The following SMOC2 variants were observed in gnomAD, a reference collection of about 807,000 sequenced individuals.
SMOC2 encodes SPARC-related modular calcium-binding protein 2.
A neutral mutation model predicts 61.4 loss-of-function variants in SMOC2; 39 were observed. The ratio of observed to expected loss-of-function variants is 0.64; its 90% CI spans 0.49 to 0.83. The LOEUF (loss-of-function observed/expected upper bound fraction) is 0.83, where lower values mean the gene tolerates loss of function less well. Among genes scored for constraint, SMOC2 ranks in the 40% least tolerant of loss-of-function variants. The pLI, the probability that SMOC2 is intolerant of heterozygous loss-of-function variation, is 0.00. For synonymous variants in SMOC2, 247 were observed against 239.9 expected (o/e 1.03, Z -0.27); for missense variants, 556 against 592.9 (o/e 0.94, Z 0.65).
chr6:168,480,649 T>C (rs1239763623), intron 1 of SMOC2, among the ~76,000 whole-genome samples: 1 of 152,010 alleles, frequency 6.6e-6, no homozygotes, highest in African/African-American at 2.4e-5. Flanking sequence ...TGGACCAACA[T>C]ACATGTTATG....
At chr6:168,478,453 A>G (rs2115020715) in intron 1 of SMOC2, among the ~76,000 whole-genome samples, 1 of 152,362 alleles carries the variant, frequency 6.6e-6, no homozygotes, top group African/African-American at 2.4e-5. Context: ...GCACAGCATT[A>G]GGAAATAAGG....
chr6:168,511,584 A>C (rs1316697822), intron 2 of SMOC2, among the ~76,000 whole-genome samples: 1 of 152,190 alleles, frequency 6.6e-6, no homozygotes, highest in Non-Finnish European at 1.5e-5. Context: ...GATTTCTCAG[A>C]GTGCATCCCT....
In SMOC2 at chr6:168,559,192, G is replaced by T. The variant is rs537168357; in HGVS notation, c.637+9989G>T. ...AATTTAGGGCCAGGTGTGGTGTCTC[G>T]TGCCTGTAATCCCAGCACTTTGGGA... On this transcript the variant is annotated intron_variant, in intron 7 of 12. Coordinates refer to ENST00000356284, the MANE Select transcript of SMOC2 (RefSeq NM_001166412.2). 1.2e-4 allele frequency among the ~76,000 whole-genome samples: 18 copies of T among 152,158 alleles called. No homozygotes were observed. The South Asian group carries it at 3.5e-3, about 30-fold the overall frequency.
chr6:168,610,578 G>A (rs557289758), intron 9 of SMOC2, among the ~76,000 whole-genome samples: 1 of 152,310 alleles, frequency 6.6e-6, no homozygotes, highest in East Asian at 1.9e-4. Context: ...TTTTGAAGTT[G>A]CTTTTCTAAG....
intron 8 of SMOC2, among the ~76,000 whole-genome samples, chr6:168,604,042 A>G (rs149843570): frequency 0.011 from 1,639 of 152,368 alleles, 32 homozygotes; most frequent in African/African-American, 0.035. Context: ...CTCAGCCTCC[A>G]TTGAGGCTGT....
chr6:168,651,056 G>A (rs1392670608), intron 10 of SMOC2, among the ~76,000 whole-genome samples: 2 of 152,228 alleles, frequency 1.3e-5, no homozygotes, highest in African/African-American at 4.8e-5. Context: ...GGCCCTTTTG[G>A]TGCGGAGCAG....
chr6:168,611,887 A>G (rs1583158928), intron 9 of SMOC2, among the ~76,000 whole-genome samples: 2 of 151,998 alleles, frequency 1.3e-5, no homozygotes, highest in Non-Finnish European at 1.5e-5. Context: ...GGCCACTCAC[A>G]TGCACCTGTC....
chr6:168,530,646 C>T (rs990745940), intron 4 of SMOC2, among the ~76,000 whole-genome samples: 2 of 146,506 alleles, frequency 1.4e-5, no homozygotes, highest in Non-Finnish European at 3.0e-5. Context: ...AACCCCCCCC[C>T]CCCCGCCCCC....
chr6:168,582,835 C>T lies in SMOC2; in HGVS notation c.638-15983C>T, dbSNP rs186978694. Among the ~76,000 whole-genome samples the T allele has an allele frequency of 7.9e-4, 120 of 152,222 alleles. No homozygotes were observed. The East Asian group carries it at 0.02, about 25-fold the overall frequency. ...CGAACCGACACGCACGGGGAAGACC[C>T]GGGGGCCGAGGGTCTTTCCTGACAG... On this transcript the variant is annotated intron_variant, in intron 7 of 12. Coordinates refer to ENST00000356284, the MANE Select transcript of SMOC2 (RefSeq NM_001166412.2).
At position 168,544,326 on chromosome 6, in the gene SMOC2, A is replaced by G. The variant is rs964911180; in HGVS notation, c.511+654A>G. On this transcript the variant is annotated intron_variant, in intron 5 of 12. Coordinates refer to ENST00000356284, the MANE Select transcript of SMOC2 (RefSeq NM_001166412.2). This position sits in a 1 kb window ranked among gnomAD's most constrained non-coding sequence, Gnocchi z 4.1. ...GCCTTTAAAGTCAGACGTTGTTTTC[A>G]AGATGAGAAGAAATACTTTAGTACC... Among the ~76,000 whole-genome samples the G allele has an allele frequency of 6.6e-6, 1 of 152,156 alleles. No homozygotes were observed. The highest frequency in any genetic ancestry group is 2.4e-5 in the African/African-American group (1 of 41,438).
At chr6:168,539,391 G>A (rs556469757) in intron 4 of SMOC2, among the ~76,000 whole-genome samples, 1 of 152,244 alleles carries the variant, frequency 6.6e-6, no homozygotes, top group East Asian at 1.9e-4. Flanking sequence ...CAGACAGGCA[G>A]CTCCGTCCCA....
At position 168,535,130 on chromosome 6, in the gene SMOC2, C is replaced by A. The variant is rs764717362; in HGVS notation, c.463+7403C>A. ...GGACTACAGGCACCCGCCACCACGC[C>A]CAGCTAATGTTTTGTATTTTTAGTA... On this transcript the variant is annotated intron_variant, in intron 4 of 12. Coordinates refer to ENST00000356284, the MANE Select transcript of SMOC2 (RefSeq NM_001166412.2). This position sits in a 1 kb window ranked among gnomAD's most constrained non-coding sequence, Gnocchi z 4.6. Among the ~76,000 whole-genome samples the A allele has an allele frequency of 6.6e-6, 1 of 151,866 alleles. No homozygotes were observed. The highest frequency in any genetic ancestry group is 1.5e-5 in the Non-Finnish European group (1 of 68,010).
At chr6:168,602,346 G>T (rs1356179463) in intron 8 of SMOC2, among the ~76,000 whole-genome samples, 1 of 152,202 alleles carries the variant, frequency 6.6e-6, no homozygotes, top group African/African-American at 2.4e-5. Flanking sequence ...GGTCTGTTCT[G>T]CCGTCTTCTT....
At position 168,452,368 on chromosome 6, in the gene SMOC2, G is replaced by T. The variant is rs572715216; in HGVS notation, c.84+10914G>T. On this transcript the variant is annotated intron_variant, in intron 1 of 12. Coordinates refer to ENST00000356284, the MANE Select transcript of SMOC2 (RefSeq NM_001166412.2). The surrounding 1 kb of genome is among the most constrained non-coding windows in gnomAD (Gnocchi z 5.0). ...GGTTTTAAAATAACCAGAGTAAGCA[G>T]GGGGAGTGTGAGGCGGGCTGCCTGC... 6.6e-6 allele frequency among the ~76,000 whole-genome samples: 1 copy of T among 152,294 alleles called. No homozygotes were observed. The highest frequency in any genetic ancestry group is 1.9e-4 in the East Asian group (1 of 5,180).
intron 9 of SMOC2, among the ~76,000 whole-genome samples, chr6:168,628,780 T>A (rs757306954): frequency 1.1e-4 from 17 of 152,226 alleles, no homozygotes; most frequent in Admixed American, 5.2e-4. Context: ...CTGAAGGCCT[T>A]TCCTTCAGTC....
intron 11 of SMOC2, among the ~76,000 whole-genome samples, chr6:168,662,137 C>A (rs948890118): frequency 6.6e-6 from 1 of 152,208 alleles, no homozygotes; most frequent in Non-Finnish European, 1.5e-5. Flanking sequence ...CTTCCCTCAT[C>A]TATTGATTCA....
chr6:168,504,140 C>T (rs951731977), intron 1 of SMOC2, among the ~76,000 whole-genome samples: 2 of 152,022 alleles, frequency 1.3e-5, no homozygotes, highest in African/African-American at 4.8e-5. Context: ...GATGCCAGCT[C>T]ACATGGCTTC....
intron 1 of SMOC2, among the ~76,000 whole-genome samples, chr6:168,501,820 C>T (rs1782737056): frequency 6.6e-6 from 1 of 152,216 alleles, no homozygotes; most frequent in Non-Finnish European, 1.5e-5. Flanking sequence ...CGTCTTGATT[C>T]CCCACAGAAG....
rs994390966 is a variant in SMOC2 at position 168,466,404 on chromosome 6, T to A, written c.84+24950T>A. ...GATGCCGCTCCCACAGCTGGAGTCCTGCTCTCGTGCCCTGCTCCAGGGGCT... is the reference window on the plus strand; with the variant it reads ...GATGCCGCTCCCACAGCTGGAGTCCAGCTCTCGTGCCCTGCTCCAGGGGCT... On this transcript the variant is annotated intron_variant, in intron 1 of 12. Coordinates refer to ENST00000356284, the MANE Select transcript of SMOC2 (RefSeq NM_001166412.2). Among the ~76,000 whole-genome samples, 4 of 152,334 alleles carry A rather than the reference T, an allele frequency of 2.6e-5. No individual in the cohort carries two copies. The East Asian group carries it at 7.7e-4, about 29-fold the overall frequency.
Sources: gnomAD v4.1 joint callset for allele counts (sites outside exome capture counted in the v4.1 genomes callset) on GRCh38, gnomAD v4.1.1 for gene constraint, Gnocchi (gnomAD v3.1) non-coding constraint, MANE v1.5 for transcripts, NCBI Gene and HGNC (gene_info 2026-07-23, HGNC 2026-07-21) for gene names.